MCPH1: variants seen among roughly 807,000 people sequenced by gnomAD.
MCPH1 encodes microcephalin 1.
MCPH1 carries 104 observed loss-of-function variants against 84.5 expected under a neutral mutation model. The ratio of observed to expected loss-of-function variants is 1.23; its 90% confidence interval spans 1.05 to 1.45. The LOEUF (loss-of-function observed/expected upper bound fraction) is 1.45, where lower values mean the gene tolerates loss of function less well. Ranked by LOEUF, MCPH1 falls within the 40% of genes most tolerant of loss-of-function variation. MCPH1 has a pLI of 0.00. For missense variants in MCPH1, 1,498 were observed against 1,005.7 expected, an observed-to-expected ratio of 1.49 and a Z score of -6.62; for synonymous variants, 514 against 366.8, an observed-to-expected ratio of 1.40 and a Z score of -4.58.
intron 12 of MCPH1, among the ~76,000 whole-genome samples, chr8:6,522,239 C>T (rs1817496878): frequency 6.6e-6 from 1 of 152,056 alleles, no homozygotes; most frequent in South Asian, 2.1e-4. Flanking sequence ...CCTGTAGTCA[C>T]AGCTACTCTG....
rs149383060 is a variant in MCPH1 at position 6,513,719 on chromosome 8, C to G, written c.2214+13790C>G. On this transcript the variant is annotated intron_variant, in intron 12 of 13. Coordinates refer to ENST00000344683, the MANE Select transcript of MCPH1 (RefSeq NM_024596.5). Reference sequence around the variant, plus strand: ...CACTTGAGAGATAGAAATGTTCATACAATGAGTAAGCCTCATTCCCTTCCC... The same window carrying G: ...CACTTGAGAGATAGAAATGTTCATAGAATGAGTAAGCCTCATTCCCTTCCC... 4,091 of 1,613,360 alleles carry G rather than the reference C, an allele frequency of 2.5e-3. 8 individuals carry two copies. Among genetic ancestry groups the G allele is most frequent in the Non-Finnish European group, 3.2e-3 (3,765 of 1,179,700 alleles).
Position 6,442,096 on chromosome 8 carries a change from A to T in MCPH1, c.610A>T (p.Asn204Tyr), listed in dbSNP as rs779062888. Residue 204 changes from asparagine to tyrosine, a missense_variant, in exon 7 of 14, where the codon AAT becomes TAT. Physicochemically the swap from Asn to Tyr is moderately radical, Grantham distance 143. Coordinates refer to ENST00000344683, the MANE Select transcript of MCPH1 (RefSeq NM_024596.5). ...SSQMIQQSHD[N>Y]PSNSLCEAPL... Reference sequence around the variant, plus strand: ...CCAAATGATTCAGCAGTCTCATGATAATCCAAGTAACTCTCTGTGTGAAGC... The same window carrying T: ...CCAAATGATTCAGCAGTCTCATGATTATCCAAGTAACTCTCTGTGTGAAGC... 6.2e-7 allele frequency: 1 copy of T among 1,613,528 alleles called. No individual in the cohort carries two copies.
intron 12 of MCPH1, among the ~76,000 whole-genome samples, chr8:6,519,461 A>G (rs548486967): frequency 6.6e-6 from 1 of 152,352 alleles, no homozygotes; most frequent in East Asian, 1.9e-4. Flanking sequence ...ACACAGCAGT[A>G]GAAATTATTA....
intron 8 of MCPH1, among the ~76,000 whole-genome samples, chr8:6,450,146 T>G (rs996001644): frequency 6.6e-6 from 1 of 152,210 alleles, no homozygotes; most frequent in Non-Finnish European, 1.5e-5. Context: ...ACCAGGGTCT[T>G]GTTCATCGAT....
intron 2 of MCPH1, among the ~76,000 whole-genome samples, chr8:6,412,064 G>T (rs1039175783): frequency 2.0e-5 from 3 of 152,148 alleles, no homozygotes; most frequent in African/African-American, 7.2e-5. Context: ...CTTAAGAGGC[G>T]CTCACCACCA....
intron 12 of MCPH1, among the ~76,000 whole-genome samples, chr8:6,524,491 T>C (rs1329831374): frequency 6.6e-6 from 1 of 152,210 alleles, no homozygotes; most frequent in African/African-American, 2.4e-5. Flanking sequence ...GCACTTACTT[T>C]CCTAGGAACC....
At chr8:6,470,257 T>A (rs1807539854) in intron 9 of MCPH1, among the ~76,000 whole-genome samples, 1 of 152,180 alleles carries the variant, frequency 6.6e-6, no homozygotes, top group Non-Finnish European at 1.5e-5. Context: ...TTTTCATTTC[T>A]GAGATCCTCA....
At chr8:6,484,569 C>G (rs182237264) in intron 11 of MCPH1, among the ~76,000 whole-genome samples, 2 of 152,188 alleles carry the variant, frequency 1.3e-5, no homozygotes, top group Admixed American at 1.3e-4. Flanking sequence ...AGTCTGTACG[C>G]GAATATTTGT....
At chr8:6,496,376 C>T (rs190164690) in intron 11 of MCPH1, among the ~76,000 whole-genome samples, 87 of 152,260 alleles carry the variant, frequency 5.7e-4, no homozygotes, top group African/African-American at 2.0e-3. Flanking sequence ...GATGAGGCTT[C>T]CTTCACTGGT....
At chr8:6,523,140 G>C (rs1817679052) in intron 12 of MCPH1, among the ~76,000 whole-genome samples, 1 of 151,996 alleles carries the variant, frequency 6.6e-6, no homozygotes, top group Non-Finnish European at 1.5e-5. Context: ...TGGGACTACA[G>C]GCGCATGTCA....
intron 3 of MCPH1, 101 bp downstream of exon 3, chr8:6,414,984 C>T: frequency 2.5e-6 from 3 of 1,215,074 alleles, no homozygotes; most frequent in Non-Finnish European, 3.5e-6. Context: ...GTTTGATTTT[C>T]ATCTTTTCTC....
At chr8:6,599,388 G>A (rs1202475069) in intron 12 of MCPH1, among the ~76,000 whole-genome samples, 1 of 152,140 alleles carries the variant, frequency 6.6e-6, no homozygotes, top group Non-Finnish European at 1.5e-5. Context: ...AGCAGAGCGC[G>A]GCTTAGTGAA....
intron 2 of MCPH1, among the ~76,000 whole-genome samples, chr8:6,413,667 C>G (rs946132447): frequency 1.3e-5 from 2 of 151,208 alleles, no homozygotes; most frequent in African/African-American, 4.9e-5. Flanking sequence ...AATTTTTTTA[C>G]TTATGTCATC....
At chr8:6,606,290 G>A (rs188799404) in intron 12 of MCPH1, among the ~76,000 whole-genome samples, 18 of 152,242 alleles carry the variant, frequency 1.2e-4, no homozygotes, top group African/African-American at 4.3e-4. Flanking sequence ...AAAACATCTA[G>A]CAACTCTCAA....
intron 13 of MCPH1, among the ~76,000 whole-genome samples, chr8:6,630,585 C>T (rs1422438897): frequency 6.6e-6 from 1 of 151,978 alleles, no homozygotes; most frequent in East Asian, 1.9e-4. Context: ...AACTAGAGAC[C>T]AGCCTGACCA....
At chr8:6,564,910 A>G (rs1347829743) in intron 12 of MCPH1, among the ~76,000 whole-genome samples, 1 of 152,222 alleles carries the variant, frequency 6.6e-6, no homozygotes, top group Non-Finnish European at 1.5e-5. Flanking sequence ...AGGCTTCACC[A>G]GACAACCAAA....
intron 9 of MCPH1, among the ~76,000 whole-genome samples, chr8:6,459,805 T>A (rs761277084): frequency 2.6e-5 from 4 of 152,212 alleles, no homozygotes; most frequent in African/African-American, 7.2e-5. Context: ...GGACTGTCAG[T>A]CGATGAGAGC....
intron 11 of MCPH1, among the ~76,000 whole-genome samples, chr8:6,498,070 T>C (rs1442489692): frequency 6.6e-6 from 1 of 152,244 alleles, no homozygotes; most frequent in African/African-American, 2.4e-5. Flanking sequence ...CAGTTTCTAT[T>C]CACAGATGCA....
At position 6,444,840 on chromosome 8, in the gene MCPH1, G is replaced by A. The variant is rs373762532; in HGVS notation, c.1118G>A (p.Arg373Lys). 3.7e-6 allele frequency: 6 copies of A among 1,614,204 alleles called. No homozygotes were observed. Among genetic ancestry groups the A allele is most frequent in the Non-Finnish European group, 5.1e-6 (6 of 1,180,044 alleles). ...SHSPPKEKCK[R>K]KRSTRRSIMP... ...TCACCTCCGAAGGAAAAATGCAAGA[G>A]AAAGAGGAGCACCAGGAGATCTATC... The change falls in exon 8 of 14, where the codon AGA becomes AAA. Residue 373 changes from arginine (R) to lysine (K), a missense_variant. By Grantham distance (26) the Arg-to-Lys change is conservative. Coordinates refer to ENST00000344683, the MANE Select transcript of MCPH1 (RefSeq NM_024596.5).
Sources: allele counts gnomAD v4.1 joint callset (sites outside exome capture counted in the v4.1 genomes callset), GRCh38; gene constraint gnomAD v4.1.1; transcripts MANE v1.5; gene names NCBI Gene and HGNC (gene_info 2026-07-23, HGNC 2026-07-21).